NTSR1: variants seen among roughly 807,000 people sequenced by gnomAD.
NTSR1 encodes neurotensin receptor 1.
A neutral mutation model predicts 31.2 loss-of-function variants in NTSR1; 29 were observed. The ratio of observed to expected loss-of-function variants is 0.93; its 90% CI spans 0.69 to 1.27. The LOEUF is 1.27. NTSR1 is among the 50% of genes most tolerant of loss of function. NTSR1 has a pLI of 0.00. For missense variants in NTSR1, 697 were observed against 595.4 expected, an observed-to-expected ratio of 1.17 and a Z score of -1.78; for synonymous variants, 282 against 269.9, an observed-to-expected ratio of 1.04 and a Z score of -0.44.
chr20:62,738,533 G>A (rs73613584), intron 1 of NTSR1, among the ~76,000 whole-genome samples: 20,124 of 152,280 alleles, frequency 0.13, 1,752 homozygotes, highest in Middle Eastern at 0.23. Flanking sequence ...CTCCCGGCGA[G>A]CCTATGAGCC....
At chr20:62,734,130 C>T (rs977327327) in intron 1 of NTSR1, among the ~76,000 whole-genome samples, 1 of 152,096 alleles carries the variant, frequency 6.6e-6, no homozygotes, top group Non-Finnish European at 1.5e-5. Flanking sequence ...ACCGCCTTGT[C>T]CCCTGCGCAG....
rs1989640317 is a variant in NTSR1 at position 62,762,342 on chromosome 20, A to G, written c.*2075A>G. ...GAGGATCCACCCCGGAACAGACAGA[A>G]TGGTGTCTCTCAGGATGGTGCTCTG... On this transcript the variant is annotated 3_prime_UTR_variant, in exon 4 of 4. Transcript: ENST00000370501. The G allele has an allele frequency of 6.6e-6, 1 of 152,156 alleles. No homozygotes were observed. The highest frequency in any genetic ancestry group is 2.4e-5 in the African/African-American group (1 of 41,432). 9.4% of individuals were successfully genotyped at this position (152,156 alleles called of 1,614,324 possible).
At position 62,741,214 on chromosome 20, in the gene NTSR1, C is replaced by A. The variant is rs541316338; in HGVS notation, c.715-13471C>A. On this transcript the variant is annotated intron_variant, in intron 1 of 3. Coordinates refer to ENST00000370501, the MANE Select transcript of NTSR1 (RefSeq NM_002531.3). This position sits in a 1 kb window ranked among gnomAD's most constrained non-coding sequence, Gnocchi z 4.3. ...TGCTAAGTCAGGGGTCTCCCGGCAGCCAGGCTGCTGCCAGTCCCGCAGCTC... is the reference window on the plus strand; with the variant it reads ...TGCTAAGTCAGGGGTCTCCCGGCAGACAGGCTGCTGCCAGTCCCGCAGCTC... 6.6e-6 allele frequency among the ~76,000 whole-genome samples: 1 copy of A among 151,954 alleles called. No individual in the cohort carries two copies. Among genetic ancestry groups the A allele is most frequent in the Non-Finnish European group, 1.5e-5 (1 of 67,856 alleles).
chr20:62,713,031 A>G (rs1303101692), intron 1 of NTSR1, among the ~76,000 whole-genome samples: 1 of 152,186 alleles, frequency 6.6e-6, no homozygotes, highest in Non-Finnish European at 1.5e-5. Flanking sequence ...AAATCAGATG[A>G]GGTGGCTGCA....
At chr20:62,752,960 C>T (rs887531256) in intron 1 of NTSR1, among the ~76,000 whole-genome samples, 4 of 152,186 alleles carry the variant, frequency 2.6e-5, no homozygotes, top group Admixed American at 2.6e-4. Context: ...GCCACCCAGC[C>T]AGGGTCAGCA....
chr20:62,733,321 G>C lies in NTSR1; in HGVS notation c.715-21364G>C, dbSNP rs1001059680. The stretch of plus-strand genomic sequence containing the variant: ...CTGAAAATTAGCACCAATTAGGGAA[G>C]AATGAAGCTCTTGGTTCCCTCCTGA... On this transcript the variant is annotated intron_variant, in intron 1 of 3. Transcript: ENST00000370501. This position sits in a 1 kb window ranked among gnomAD's most constrained non-coding sequence, Gnocchi z 5.2. The C allele has an allele frequency of 6.6e-6, 1 of 152,218 alleles. No homozygotes were observed. The highest frequency in any genetic ancestry group is 2.4e-5 in the African/African-American group (1 of 41,452). 9.4% of individuals were successfully genotyped at this position (152,218 alleles called of 1,614,324 possible).
intron 1 of NTSR1, among the ~76,000 whole-genome samples, chr20:62,728,875 G>A (rs930134097): frequency 6.6e-6 from 1 of 152,184 alleles, no homozygotes; most frequent in East Asian, 1.9e-4. Flanking sequence ...AGACAGAGGG[G>A]CTTCAGGACA....
chr20:62,711,505 C>T lies in NTSR1; in HGVS notation c.714+1584C>T, dbSNP rs890366831. 6.6e-6 allele frequency among the ~76,000 whole-genome samples: 1 copy of T among 151,994 alleles called. No homozygotes were observed. The highest frequency in any genetic ancestry group is 1.5e-5 in the Non-Finnish European group (1 of 67,976). ...AGAAGGTGGGCAGTGGAGGGGTCAG[C>T]GCTGTCACTGCCCACCCAGGAGATG... On this transcript the variant is annotated intron_variant, in intron 1 of 3. Coordinates refer to ENST00000370501, the MANE Select transcript of NTSR1 (RefSeq NM_002531.3). This position sits in a 1 kb window ranked among gnomAD's most constrained non-coding sequence, Gnocchi z 6.4.
In NTSR1 at chr20:62,745,993, G is replaced by T. The variant is rs1255825641; in HGVS notation, c.715-8692G>T. Among the ~76,000 whole-genome samples the T allele has an allele frequency of 6.6e-6, 1 of 152,242 alleles. No individual in the cohort carries two copies. Among genetic ancestry groups the T allele is most frequent in the Non-Finnish European group, 1.5e-5 (1 of 68,034 alleles). ...CCTGCATGGCCTTCAAGCTGCTTGA[G>T]TCCATTGGACAAAGTCCCTCAAGGC... is the stretch of plus-strand genomic sequence containing the variant. On this transcript the variant is annotated intron_variant, in intron 1 of 3. Transcript: ENST00000370501. The surrounding 1 kb of genome is among the most constrained non-coding windows in gnomAD (Gnocchi z 4.1).
In NTSR1 at chr20:62,715,387, C is replaced by T. The variant is rs778717084; in HGVS notation, c.714+5466C>T. ...AGCAGAGGGCAGAGCCACCTGTGCA[C>T]ATCACGTGGCTGGAGAGAGACAGGG... On this transcript the variant is annotated intron_variant, in intron 1 of 3. Coordinates refer to ENST00000370501, the MANE Select transcript of NTSR1 (RefSeq NM_002531.3). The surrounding 1 kb of genome is among the most constrained non-coding windows in gnomAD (Gnocchi z 4.7). 6.6e-6 allele frequency among the ~76,000 whole-genome samples: 1 copy of T among 152,204 alleles called. No individual in the cohort carries two copies. Among genetic ancestry groups the T allele is most frequent in the Admixed American group, 6.5e-5 (1 of 15,286 alleles).
chr20:62,714,860 C>G lies in NTSR1; in HGVS notation c.714+4939C>G, dbSNP rs1444777179. Among the ~76,000 whole-genome samples the G allele has an allele frequency of 6.6e-6, 1 of 152,064 alleles. No individual in the cohort carries two copies. The highest frequency in any genetic ancestry group is 1.5e-5 in the Non-Finnish European group (1 of 68,000). On this transcript the variant is annotated intron_variant, in intron 1 of 3. Transcript: ENST00000370501. The surrounding 1 kb of genome is among the most constrained non-coding windows in gnomAD (Gnocchi z 4.1). ...GATCATTCTTCCTGCCAAGAAACAG[C>G]AAAAAAGCCTAGGTAGTGAATAGCT...
intron 1 of NTSR1, among the ~76,000 whole-genome samples, chr20:62,746,142 G>A (rs987668694): frequency 4.6e-5 from 7 of 152,154 alleles, no homozygotes; most frequent in African/African-American, 7.2e-5. Flanking sequence ...GCTGCCGCCC[G>A]GCGGGTCACC....
chr20:62,709,407 C>G lies in NTSR1; in HGVS notation c.200C>G (p.Thr67Ser). The G allele has an allele frequency of 6.2e-7, 1 of 1,609,608 alleles. No individual in the cohort carries two copies. The highest frequency in any genetic ancestry group is 8.5e-7 in the Non-Finnish European group (1 of 1,177,466). Residue 67 changes from threonine to serine, a missense_variant, in exon 1 of 4, where the codon ACC (threonine) becomes AGC (serine). By Grantham distance (58) the Thr-to-Ser change is moderately conservative. Coordinates refer to ENST00000370501, the MANE Select transcript of NTSR1 (RefSeq NM_002531.3). ...NTDIYSKVLV[T>S]AVYLALFVVG... is the part of the protein sequence containing the mutation. ...GACATCTACTCCAAGGTGCTGGTGA[C>G]CGCCGTGTACCTGGCGCTCTTCGTG... is the stretch of plus-strand genomic sequence containing the variant.
chr20:62,726,596 G>A (rs1234241112), intron 1 of NTSR1, among the ~76,000 whole-genome samples: 1 of 152,042 alleles, frequency 6.6e-6, no homozygotes, highest in Admixed American at 6.5e-5. Context: ...CTGGGAGGCT[G>A]AGGCAGGAGA....
chr20:62,709,050 G>T lies in NTSR1; in HGVS notation c.-158G>T, dbSNP rs1032106259. ...CCCGGAGCCCGGGGCGGCGCGTCTG[G>T]GTCTGGCGCTTCCCGACTGGACGGC... is the stretch of plus-strand genomic sequence containing the variant. On this transcript the variant is annotated 5_prime_UTR_variant, in exon 1 of 4. Transcript: ENST00000370501. 9 of 532,698 alleles carry T rather than the reference G, an allele frequency of 1.7e-5. No individual in the cohort carries two copies. Among genetic ancestry groups the T allele is most frequent in the Non-Finnish European group, 2.8e-5 (9 of 325,598 alleles). The allele number at this position is 532,698 out of a possible 1,614,324, so 33.0% of individuals were successfully genotyped here.
At chr20:62,724,414 T>C (rs1175900871) in intron 1 of NTSR1, among the ~76,000 whole-genome samples, 1 of 139,372 alleles carries the variant, frequency 7.2e-6, no homozygotes, top group Non-Finnish European at 1.6e-5. Flanking sequence ...TAGAAGCGGG[T>C]AATTGCAGGG....
intron 1 of NTSR1, among the ~76,000 whole-genome samples, chr20:62,753,020 C>T (rs1347122644): frequency 1.3e-5 from 2 of 152,202 alleles, no homozygotes; most frequent in African/African-American, 2.4e-5. Context: ...GAGCAAGGGG[C>T]GCTGGGCTGG....
intron 1 of NTSR1, among the ~76,000 whole-genome samples, chr20:62,736,811 A>C (rs73918661): frequency 0.11 from 16,032 of 152,282 alleles, 2,060 homozygotes; most frequent in East Asian, 0.31. Flanking sequence ...TGTAATCCCC[A>C]TAATGCCCCG....
intron 1 of NTSR1, among the ~76,000 whole-genome samples, chr20:62,712,412 G>A (rs982811436): frequency 7.9e-5 from 12 of 152,310 alleles, no homozygotes; most frequent in East Asian, 3.9e-4. Context: ...CTGCCCCAGC[G>A]TCTCCTACGA....
Sources: allele counts gnomAD v4.1 joint callset (sites outside exome capture counted in the v4.1 genomes callset), GRCh38; gene constraint gnomAD v4.1.1; non-coding constraint Gnocchi (gnomAD v3.1); transcripts MANE v1.5; gene names NCBI Gene and HGNC (gene_info 2026-07-23, HGNC 2026-07-21).